Variants in RBM27 observed in about 807,000 individuals in gnomAD.
The protein encoded by RBM27 is RNA-binding protein 27.
Under a neutral mutation model 135.3 loss-of-function variants are expected in RBM27, and 22 were observed. The ratio of observed to expected loss-of-function variants is 0.16; its 90% confidence interval spans 0.12 to 0.23. The LOEUF (loss-of-function observed/expected upper bound fraction) is 0.23. Ranked by LOEUF, RBM27 falls within the 10% of genes least tolerant of loss-of-function variation. The probability of loss-of-function intolerance (pLI) is 1.00; values close to 1 mark genes in which losing one functional copy is unlikely to be tolerated. For missense variants in RBM27, 1,009 were observed against 1,281.0 expected (o/e 0.79, Z 3.24); for synonymous variants, 481 against 442.4 (o/e 1.09, Z -1.10).
Position 146,248,392 on chromosome 5 carries a change from G to T in RBM27, c.1280-3319G>T, listed in dbSNP as rs555059122. ...TCTAAAGAACTCTGTTGCTTTAGAA[G>T]TAGTATTTAGAGACTCAGTAGGAAT... On this transcript the variant is annotated intron_variant, in intron 8 of 20. Transcript: ENST00000265271. 1.1e-4 allele frequency among the ~76,000 whole-genome samples: 16 copies of T among 152,276 alleles called. No homozygotes were observed. In the East Asian group the frequency reaches 1.5e-3, roughly 15 times the overall value.
chr5:146,264,601 A>G (rs181597051), intron 14 of RBM27, among the ~76,000 whole-genome samples: 1 of 149,272 alleles, frequency 6.7e-6, no homozygotes. Context: ...ATTTATTTTT[A>G]GTAATATATC....
intron 1 of RBM27, among the ~76,000 whole-genome samples, chr5:146,205,072 A>G (rs966900524): frequency 3.3e-5 from 5 of 152,046 alleles, no homozygotes; most frequent in East Asian, 1.9e-4. Flanking sequence ...TAATTTTTGT[A>G]TTTTTAGTAG....
intron 19 of RBM27, among the ~76,000 whole-genome samples, chr5:146,277,426 C>G (rs763652346): frequency 1.3e-5 from 2 of 152,064 alleles, no homozygotes; most frequent in Non-Finnish European, 2.9e-5. Context: ...TGTACAGCCC[C>G]CTATTGATGA....
chr5:146,284,730 G>C lies in RBM27; in HGVS notation c.3097G>C (p.Glu1033Gln). The C allele has an allele frequency of 1.3e-6, 2 of 1,592,126 alleles. No homozygotes were observed. Among genetic ancestry groups the C allele is most frequent in the Non-Finnish European group, 1.7e-6 (2 of 1,163,076 alleles). Residue 1033 changes from glutamate (E) to glutamine (Q), a missense_variant and splice_region_variant, in exon 20 of 21, where the codon GAG (glutamate) becomes CAG (glutamine). Physicochemically the swap from Glu to Gln is conservative, Grantham distance 29. This residue lies in a region of RBM27 where 355 missense variants were observed against 427.3 expected (regional missense o/e 0.83). Coordinates refer to ENST00000265271, the MANE Select transcript of RBM27 (RefSeq NM_018989.2). Reference protein sequence around the residue: ...TETEEEEVKEEETETSDLFLP... With the variant: ...TETEEEEVKEQETETSDLFLP... ...GACTGAAGAAGAAGAAGTCAAGGAG[G>C]AGGTAAATTTAGTGGTTGGAAATAA...
chr5:146,233,382 A>G, intron 6 of RBM27, 68 bp from the exon 7 acceptor site: 1 of 1,476,384 alleles, frequency 6.8e-7, no homozygotes. Flanking sequence ...TTTCAGGGAC[A>G]TGTTTTGTTG....
Position 146,289,139 on chromosome 5 carries a change from A to G in RBM27, c.*3109A>G, listed in dbSNP as rs1285868685. 6.6e-6 allele frequency: 1 copy of G among 152,092 alleles called. No individual in the cohort carries two copies. Among genetic ancestry groups the G allele is most frequent in the African/African-American group, 2.4e-5 (1 of 41,456 alleles). The allele number at this position is 152,092 out of a possible 1,614,324, so 9.4% of individuals were successfully genotyped here. The stretch of plus-strand genomic sequence containing the variant: ...TGGAATGGTTCACAATTGGAAAAAA[A>G]AAAGAAAAAAGATGAAAGTATTACA... On this transcript the variant is annotated 3_prime_UTR_variant, in exon 21 of 21. Transcript: ENST00000265271.
At chr5:146,268,969 A>G (rs1324671250) in intron 15 of RBM27, among the ~76,000 whole-genome samples, 1 of 152,224 alleles carries the variant, frequency 6.6e-6, no homozygotes, top group African/African-American at 2.4e-5. Flanking sequence ...AGGTCATTCA[A>G]GTCAATAAAT....
At chr5:146,230,207 G>C in intron 5 of RBM27, among the ~76,000 whole-genome samples, 1 of 152,154 alleles carries the variant, frequency 6.6e-6, no homozygotes, top group East Asian at 1.9e-4. Context: ...TATCACGTGA[G>C]GAAGAGGGTT....
intron 1 of RBM27, among the ~76,000 whole-genome samples, chr5:146,204,138 G>T (rs1755521480): frequency 6.6e-6 from 1 of 152,220 alleles, no homozygotes. Context: ...TGCTGTTTGA[G>T]AACTGAGAGA....
At chr5:146,277,464 A>G (rs984336721) in intron 19 of RBM27, among the ~76,000 whole-genome samples, 5 of 151,386 alleles carry the variant, frequency 3.3e-5, no homozygotes, top group African/African-American at 1.2e-4. Context: ...CCATTTAACT[A>G]TTATGAACAA....
intron 5 of RBM27, 81 bp downstream of exon 5, chr5:146,229,991 G>A (rs1209084996): frequency 1.3e-6 from 2 of 1,502,954 alleles, no homozygotes; most frequent in Non-Finnish European, 1.8e-6. Context: ...TTCTCTTAAA[G>A]TTGTACCTTT....
At chr5:146,234,783 C>T (rs934009510) in intron 7 of RBM27, among the ~76,000 whole-genome samples, 1 of 151,916 alleles carries the variant, frequency 6.6e-6, no homozygotes, top group Admixed American at 6.6e-5. Flanking sequence ...TCTGTAATCC[C>T]AGCACTTTGG....
chr5:146,263,629 C>A lies in RBM27; in HGVS notation c.2329C>A (p.Gln777Lys). 1 of 1,613,180 alleles carries A rather than the reference C, an allele frequency of 6.2e-7. No individual in the cohort carries two copies. Among genetic ancestry groups the A allele is most frequent in the Non-Finnish European group, 8.5e-7 (1 of 1,179,772 alleles). Residue 777 changes from glutamine (Q) to lysine (K), a missense_variant and splice_region_variant, in exon 14 of 21, where the codon CAG (glutamine) becomes AAG (lysine). Physicochemically the swap from Gln to Lys is moderately conservative, Grantham distance 53. Transcript: ENST00000265271. ...NQSGGAGEDC[Q>K]IFSTPGHPKM... ...GTCTGGTGGTGCTGGAGAAGATTGC[C>A]AGGTATGCATTTTTGGGAGCTTCAG...
intron 1 of RBM27, among the ~76,000 whole-genome samples, chr5:146,214,756 T>C (rs1756119345): frequency 6.6e-6 from 1 of 152,226 alleles, no homozygotes; most frequent in South Asian, 2.1e-4. Context: ...GGATACATGT[T>C]AGGAGCTGTT....
chr5:146,215,900 A>G (rs1249637337), intron 1 of RBM27, among the ~76,000 whole-genome samples: 2 of 151,736 alleles, frequency 1.3e-5, no homozygotes, highest in Non-Finnish European at 2.9e-5. Context: ...ACAGGTGCAC[A>G]CCACCACGCC....
intron 2 of RBM27, among the ~76,000 whole-genome samples, chr5:146,222,031 G>A (rs1756481498): frequency 6.6e-6 from 1 of 152,044 alleles, no homozygotes; most frequent in African/African-American, 2.4e-5. Flanking sequence ...ATTGAGCTAT[G>A]TGTCTTTCAG....
chr5:146,281,105 A>G (rs964395809), intron 19 of RBM27, among the ~76,000 whole-genome samples: 10 of 152,064 alleles, frequency 6.6e-5, no homozygotes, highest in African/African-American at 2.4e-4. Context: ...GGCCTCCTAA[A>G]GTGCTAGGAT....
intron 1 of RBM27, among the ~76,000 whole-genome samples, chr5:146,216,202 G>C (rs1465603814): frequency 6.6e-6 from 1 of 152,124 alleles, no homozygotes; most frequent in Non-Finnish European, 1.5e-5. Context: ...GACCACAGGT[G>C]CATGCCACCA....
At chr5:146,229,317 G>A (rs958078343) in intron 4 of RBM27, among the ~76,000 whole-genome samples, 3 of 152,162 alleles carry the variant, frequency 2.0e-5, no homozygotes, top group Non-Finnish European at 4.4e-5. Context: ...TTGGTTAGGG[G>A]TGCTTAGTAT....
Sources: allele counts gnomAD v4.1 joint callset (sites outside exome capture counted in the v4.1 genomes callset), GRCh38; gene constraint gnomAD v4.1.1; regional missense constraint gnomAD v4.1.1; transcripts MANE v1.5; gene names NCBI Gene and HGNC (gene_info 2026-07-23, HGNC 2026-07-21).